Variants in RIT2 observed in about 807,000 individuals in gnomAD.
The protein encoded by RIT2 is Ras like without CAAX 2, also known as GTP-binding protein Rit2.
RIT2 carries 24 observed loss-of-function variants against 23.7 expected under a neutral mutation model. The observed-to-expected ratio is 1.01, with a 90% CI of 0.73 to 1.43. The LOEUF is 1.43. RIT2 is among the 40% of genes most tolerant of loss of function. The pLI is 0.00. For missense variants in RIT2, 236 were observed against 266.9 expected, an observed-to-expected ratio of 0.88 and a Z score of 0.81; for synonymous variants, 107 against 91.1, an observed-to-expected ratio of 1.17 and a Z score of -0.99.
At chr18:43,038,904 T>G in intron 1 of RIT2, among the ~76,000 whole-genome samples, 1 of 152,186 alleles carries the variant, frequency 6.6e-6, no homozygotes, top group East Asian at 1.9e-4. Context: ...GCAGGATTTT[T>G]TTTTTTATTT....
chr18:43,085,290 G>T (rs2144352917), intron 1 of RIT2, among the ~76,000 whole-genome samples: 1 of 152,094 alleles, frequency 6.6e-6, no homozygotes, highest in Admixed American at 6.6e-5. Context: ...ATTGTGAAAA[G>T]ATTAAGTCAA....
intron 4 of RIT2, among the ~76,000 whole-genome samples, chr18:42,898,852 A>G (rs1908401058): frequency 6.6e-6 from 1 of 152,144 alleles, no homozygotes; most frequent in Non-Finnish European, 1.5e-5. Flanking sequence ...TTTTCTTGTA[A>G]TTAGATTCAA....
At chr18:42,773,497 C>T (rs903349497) in intron 4 of RIT2, among the ~76,000 whole-genome samples, 1 of 152,072 alleles carries the variant, frequency 6.6e-6, no homozygotes, top group Non-Finnish European at 1.5e-5. Context: ...AATAGTTAGC[C>T]AGTACAGAGA....
intron 3 of RIT2, among the ~76,000 whole-genome samples, chr18:42,965,637 C>A (rs1349990533): frequency 1.6e-5 from 2 of 128,778 alleles, no homozygotes; most frequent in African/African-American, 3.0e-5. Context: ...ACTTTTTGTG[C>A]AAAATATCGT....
chr18:42,842,736 A>G (rs925868736), intron 4 of RIT2, among the ~76,000 whole-genome samples: 4 of 152,172 alleles, frequency 2.6e-5, no homozygotes, highest in African/African-American at 7.2e-5. Flanking sequence ...GGAAAATTCC[A>G]TACCTGACCT....
At chr18:42,973,830 A>G (rs1227131185) in intron 3 of RIT2, among the ~76,000 whole-genome samples, 2 of 151,994 alleles carry the variant, frequency 1.3e-5, no homozygotes, top group Non-Finnish European at 2.9e-5. Flanking sequence ...AAGTATTTTT[A>G]AATTTTATAA....
At chr18:43,063,386 C>T (rs180736361) in intron 1 of RIT2, among the ~76,000 whole-genome samples, 5 of 152,150 alleles carry the variant, frequency 3.3e-5, no homozygotes, top group Admixed American at 1.3e-4. Context: ...TGGGGCTAAA[C>T]GAGTAGCCAA....
At chr18:42,911,903 C>G (rs1489068306) in intron 4 of RIT2, among the ~76,000 whole-genome samples, 2 of 151,704 alleles carry the variant, frequency 1.3e-5, no homozygotes, top group African/African-American at 4.8e-5. Flanking sequence ...TCTTTCAAAA[C>G]CAGAAAAGGG....
intron 1 of RIT2, among the ~76,000 whole-genome samples, chr18:43,096,327 T>C (rs1430576672): frequency 6.6e-6 from 1 of 151,872 alleles, no homozygotes; most frequent in African/African-American, 2.4e-5. Flanking sequence ...CTGGAAACTA[T>C]CGTCTTCCTT....
intron 4 of RIT2, among the ~76,000 whole-genome samples, chr18:42,878,247 C>T (rs1907796127): frequency 1.3e-5 from 2 of 151,138 alleles, no homozygotes; most frequent in Non-Finnish European, 3.0e-5. Context: ...TGACCAGAAG[C>T]CTTGTTAATA....
rs552169691 is a variant in RIT2, at chr18:43,060,268, C to T, written c.104-26401G>A. 1.6e-4 allele frequency among the ~76,000 whole-genome samples: 24 copies of T among 152,258 alleles called. No homozygotes were observed. In the South Asian group the frequency reaches 2.7e-3, roughly 17 times the overall value. ...GAATCAAGGTCTCCTGATACCCTGT[C>T]CAGTATTACTCTGCCATATGATGCT... On this transcript the variant is annotated intron_variant, in intron 1 of 4. Coordinates refer to ENST00000326695, the MANE Select transcript of RIT2 (RefSeq NM_002930.4).
chr18:42,788,266 T>G (rs1466500996), intron 4 of RIT2, among the ~76,000 whole-genome samples: 2 of 152,110 alleles, frequency 1.3e-5, no homozygotes, highest in South Asian at 2.1e-4. Flanking sequence ...ACGGAGAAAA[T>G]CTGAGATCAC....
chr18:43,109,624 A>G (rs1212620463), intron 1 of RIT2, among the ~76,000 whole-genome samples: 1 of 152,124 alleles, frequency 6.6e-6, no homozygotes, highest in African/African-American at 2.4e-5. Flanking sequence ...TCTTATAGCC[A>G]CCCCTTATAC....
chr18:42,992,889 T>C (rs1454689973), intron 2 of RIT2, among the ~76,000 whole-genome samples: 1 of 152,280 alleles, frequency 6.6e-6, no homozygotes, highest in East Asian at 1.9e-4. Context: ...CGTTTTATTA[T>C]CAATATGCAT....
At chr18:43,046,350 C>T (rs1027245670) in intron 1 of RIT2, among the ~76,000 whole-genome samples, 1 of 152,202 alleles carries the variant, frequency 6.6e-6, no homozygotes, top group African/African-American at 2.4e-5. Flanking sequence ...TAATTTTCAA[C>T]ATATCACTTG....
At chr18:42,920,175 A>G (rs2144129556) in intron 4 of RIT2, among the ~76,000 whole-genome samples, 1 of 152,268 alleles carries the variant, frequency 6.6e-6, no homozygotes, top group East Asian at 1.9e-4. Context: ...CCTTGTCCAT[A>G]AGATGCTACT....
intron 4 of RIT2, among the ~76,000 whole-genome samples, chr18:42,754,135 T>G (rs618236): frequency 0.38 from 57,693 of 152,088 alleles, 13,677 homozygotes; most frequent in Non-Finnish European, 0.52. Flanking sequence ...ACTCAACTGG[T>G]GAGGAGATGT....
chr18:42,789,343 T>C (rs977084293), intron 4 of RIT2, among the ~76,000 whole-genome samples: 4 of 152,202 alleles, frequency 2.6e-5, no homozygotes, highest in African/African-American at 9.7e-5. Flanking sequence ...TAAGGTTATA[T>C]CTATGTTGGA....
intron 3 of RIT2, among the ~76,000 whole-genome samples, chr18:42,961,233 T>C (rs1332957282): frequency 6.6e-6 from 1 of 152,234 alleles, no homozygotes; most frequent in Non-Finnish European, 1.5e-5. Context: ...CAGTTTTTTT[T>C]CTGAAGTGAC....
Sources: allele counts gnomAD v4.1 joint callset (sites outside exome capture counted in the v4.1 genomes callset), GRCh38; gene constraint gnomAD v4.1.1; transcripts MANE v1.5; gene names NCBI Gene and HGNC (gene_info 2026-07-23, HGNC 2026-07-21).